CALCR: variants seen among roughly 807,000 people sequenced by gnomAD.
CALCR encodes calcitonin receptor.
A neutral mutation model predicts 59.5 loss-of-function variants in CALCR; 47 were observed. The ratio of observed to expected loss-of-function variants is 0.79; its 90% CI spans 0.63 to 1.01. CALCR has a LOEUF of 1.01. Ranked by LOEUF, CALCR falls within the 50% of genes least tolerant of loss-of-function variation. The pLI, the probability that CALCR is intolerant of heterozygous loss-of-function variation, is 0.00. For synonymous variants in CALCR, 213 were observed against 211.3 expected (o/e 1.01, Z -0.07); for missense variants, 566 against 597.1 (o/e 0.95, Z 0.54).
rs574581096 is a variant in CALCR, at chr7:93,562,942, A to C, written c.-27+11347T>G. Among the ~76,000 whole-genome samples, 24 of 152,338 alleles carry C rather than the reference A, an allele frequency of 1.6e-4. 1 individual carries two copies. The South Asian group carries it at 2.1e-3, about 13-fold the overall frequency. On this transcript the variant is annotated intron_variant, in intron 2 of 13. Coordinates refer to ENST00000426151, the MANE Select transcript of CALCR (RefSeq NM_001742.4). Reference sequence around the variant, plus strand: ...AATATAGAACGTATGAAAAATTTAAAAACGGTAAATAAAAGAGCTAAAATT... The same window carrying C: ...AATATAGAACGTATGAAAAATTTAACAACGGTAAATAAAAGAGCTAAAATT...
intron 2 of CALCR, among the ~76,000 whole-genome samples, chr7:93,494,680 T>C (rs1000731755): frequency 2.6e-5 from 4 of 151,340 alleles, no homozygotes; most frequent in Admixed American, 1.3e-4. Flanking sequence ...TGTAGATATA[T>C]GGTTTTTTGA....
At chr7:93,566,785 T>C (rs1789872901) in intron 2 of CALCR, among the ~76,000 whole-genome samples, 1 of 152,146 alleles carries the variant, frequency 6.6e-6, no homozygotes, top group Non-Finnish European at 1.5e-5. Flanking sequence ...GTAGCTGTTT[T>C]TTGTTTTTGT....
rs111816809 is a variant in CALCR at position 93,439,922 on chromosome 7, C to T, written c.803-1652G>A. 7.3e-3 allele frequency among the ~76,000 whole-genome samples: 1,117 copies of T among 152,150 alleles called. 7 individuals are homozygous for T. The highest frequency in any genetic ancestry group is 0.02 in the Middle Eastern group (6 of 294). ...GAGAGAAATCGACTACTAAGTGGTG[C>T]CATGCAGACTTGGAAGGGAATAACT... is the stretch of plus-strand genomic sequence containing the variant. On this transcript the variant is annotated intron_variant, in intron 9 of 13. Coordinates refer to ENST00000426151, the MANE Select transcript of CALCR (RefSeq NM_001742.4).
chr7:93,570,522 G>A (rs1163164389), intron 2 of CALCR, among the ~76,000 whole-genome samples: 2 of 152,144 alleles, frequency 1.3e-5, no homozygotes, highest in Non-Finnish European at 2.9e-5. Context: ...ATATTTCACT[G>A]AACCAGGTAC....
chr7:93,455,194 A>C (rs1007723334), intron 8 of CALCR, among the ~76,000 whole-genome samples: 1 of 152,030 alleles, frequency 6.6e-6, no homozygotes, highest in African/African-American at 2.4e-5. Context: ...AGTTTGCTTA[A>C]GAATAAACTG....
At chr7:93,520,728 G>T (rs577022459) in intron 2 of CALCR, among the ~76,000 whole-genome samples, 1 of 152,218 alleles carries the variant, frequency 6.6e-6, no homozygotes, top group South Asian at 2.1e-4. Context: ...TTCTTCTATA[G>T]AAATTGTCTG....
chr7:93,481,712 A>G (rs1241143441), intron 3 of CALCR, among the ~76,000 whole-genome samples: 1 of 151,896 alleles, frequency 6.6e-6, no homozygotes, highest in East Asian at 1.9e-4. Flanking sequence ...AATGGACACC[A>G]ATTGTGAATA....
At chr7:93,519,931 A>G (rs1302803498) in intron 2 of CALCR, among the ~76,000 whole-genome samples, 1 of 152,046 alleles carries the variant, frequency 6.6e-6, no homozygotes, top group Admixed American at 6.6e-5. Context: ...ATGGTGAGTC[A>G]ATTAAACCTC....
intron 2 of CALCR, among the ~76,000 whole-genome samples, chr7:93,488,578 G>GAAAACAAAA (rs1488469733): frequency 7.5e-5 from 1 of 13,348 alleles, no homozygotes; most frequent in East Asian, 3.9e-3. Flanking sequence ...CAAGCAAATG[G>GAAAACAAAA]AAAGAAAAAA....
In CALCR at chr7:93,543,680, C is replaced by T. The variant is rs146635189; in HGVS notation, c.-27+30609G>A. 2.2e-4 allele frequency among the ~76,000 whole-genome samples: 32 copies of T among 148,676 alleles called. No homozygotes were observed. In the East Asian group the frequency reaches 5.7e-3, roughly 27 times the overall value. On this transcript the variant is annotated intron_variant, in intron 2 of 13. Coordinates refer to ENST00000426151, the MANE Select transcript of CALCR (RefSeq NM_001742.4). ...ATATATATATACACACACACACACA[C>T]CTAAGAATGTACAGTTATTGTGCAT...
intron 5 of CALCR, among the ~76,000 whole-genome samples, chr7:93,477,038 A>G (rs1385202547): frequency 6.6e-6 from 1 of 151,910 alleles, no homozygotes; most frequent in African/African-American, 2.4e-5. Context: ...AAGCACAAAA[A>G]GCATTTTTCT....
intron 2 of CALCR, chr7:93,495,773 A>G (rs1381424884): frequency 1.1e-5 from 9 of 805,066 alleles, no homozygotes; most frequent in Middle Eastern, 2.2e-4. Context: ...AAACCAGATC[A>G]ATGTGGAGCC....
chr7:93,551,641 C>G (rs1266341687), intron 2 of CALCR, among the ~76,000 whole-genome samples: 2 of 152,108 alleles, frequency 1.3e-5, no homozygotes, highest in Admixed American at 1.3e-4. Context: ...ATCCCCTGAC[C>G]CTTTGGGAAA....
At chr7:93,465,877 T>G (rs978814470) in intron 7 of CALCR, among the ~76,000 whole-genome samples, 1 of 151,872 alleles carries the variant, frequency 6.6e-6, no homozygotes, top group Non-Finnish European at 1.5e-5. Flanking sequence ...TAGTGAAGTA[T>G]TGGCAGTTCC....
chr7:93,569,076 C>CA lies in CALCR; in HGVS notation c.-27+5212_-27+5213insT, dbSNP rs573382691. On this transcript the variant is annotated intron_variant, in intron 2 of 13. Coordinates refer to ENST00000426151, the MANE Select transcript of CALCR (RefSeq NM_001742.4). ...ACAAAATCTACCTTTAAAATAATTT[C>CA]GTTTTTTTTTCTTTTCTGTCTCCAA... Among the ~76,000 whole-genome samples, 38 of 103,740 alleles carry CA rather than the reference C, an allele frequency of 3.7e-4. No individual in the cohort carries two copies. In the South Asian group the frequency reaches 9.1e-3, roughly 25 times the overall value. 68.1% of individuals were successfully genotyped at this position (103,740 alleles called of 152,430 possible).
intron 7 of CALCR, among the ~76,000 whole-genome samples, chr7:93,464,995 T>G (rs572718464): frequency 6.6e-6 from 1 of 152,098 alleles, no homozygotes; most frequent in South Asian, 2.1e-4. Context: ...ATGCTTTTTG[T>G]CAATGTGGCC....
intron 9 of CALCR, chr7:93,441,563 A>G (rs1227474750): frequency 8.8e-6 from 4 of 454,366 alleles, no homozygotes; most frequent in African/African-American, 8.0e-5. Context: ...AAAGAGAAAA[A>G]AAAAAATAGT....
intron 2 of CALCR, among the ~76,000 whole-genome samples, chr7:93,529,832 A>G (rs1788784294): frequency 6.6e-6 from 1 of 152,182 alleles, no homozygotes; most frequent in African/African-American, 2.4e-5. Context: ...TCACTGGAAA[A>G]TCAAACGAAT....
At chr7:93,503,407 A>AACACAC (rs112593093) in intron 2 of CALCR, among the ~76,000 whole-genome samples, 7,368 of 150,926 alleles carry the variant, frequency 0.049, 613 homozygotes, top group African/African-American at 0.17. Context: ...AATAATTAGA[A>AACACAC]ACACACACAC....
Sources: allele counts gnomAD v4.1 joint callset (sites outside exome capture counted in the v4.1 genomes callset), GRCh38; gene constraint gnomAD v4.1.1; transcripts MANE v1.5; gene names NCBI Gene and HGNC (gene_info 2026-07-23, HGNC 2026-07-21).